Variants in ABCB1 observed in about 807,000 individuals in gnomAD.
ABCB1 encodes ATP-dependent translocase ABCB1.
A neutral mutation model predicts 142.0 loss-of-function variants in ABCB1; 69 were observed. The observed-to-expected ratio is 0.49, with a 90% CI of 0.40 to 0.59. The LOEUF is 0.59. Among genes scored for constraint, ABCB1 ranks in the 20% least tolerant of loss-of-function variants. The pLI, the probability that ABCB1 is intolerant of heterozygous loss-of-function variation, is 0.00. For missense variants in ABCB1, 1,326 were observed against 1,554.7 expected (o/e 0.85, Z 2.47); for synonymous variants, 532 against 539.2 (o/e 0.99, Z 0.18).
At chr7:87,568,204 A>T (rs1388191552) in intron 5 of ABCB1, among the ~76,000 whole-genome samples, 3 of 136,498 alleles carry the variant, frequency 2.2e-5, no homozygotes, top group South Asian at 2.6e-4. Flanking sequence ...GACCAGCCTG[A>T]CCAAAGTGGT....
At chr7:87,530,901 A>G (rs552071859) in intron 21 of ABCB1, among the ~76,000 whole-genome samples, 1 of 151,104 alleles carries the variant, frequency 6.6e-6, no homozygotes, top group African/African-American at 2.4e-5. Context: ...AAGAAGGAAG[A>G]AGGGAAGGAA....
At chr7:87,604,594 A>G (rs1819579680), upstream of ABCB1, among the ~76,000 whole-genome samples, 1 of 152,142 alleles carries the variant, frequency 6.6e-6, no homozygotes, top group Non-Finnish European at 1.5e-5. Context: ...ATGTTGGATT[A>G]CATCAGATTG....
chr7:87,637,043 T>G lies in ABCB1; in HGVS notation c.-330-35965A>C, dbSNP rs1182196811. ...TAAAACCATCAGCTCTCGTGAGCTCTTACTCACTATCATGAGACTAGCATG... is the reference window on the plus strand; with the variant it reads ...TAAAACCATCAGCTCTCGTGAGCTCGTACTCACTATCATGAGACTAGCATG... On this transcript the variant is annotated intron_variant, in intron 1 of 28. Coordinates refer to the ABCB1 transcript ENST00000265724. Among the ~76,000 whole-genome samples, 3 of 152,140 alleles carry G rather than the reference T, an allele frequency of 2.0e-5. No homozygotes were observed. The South Asian group carries it at 6.2e-4, about 31-fold the overall frequency.
rs1228046963 is a variant in ABCB1 at position 87,623,002 on chromosome 7, C to T, written c.-330-21924G>A. Among the ~76,000 whole-genome samples, 5 of 152,152 alleles carry T rather than the reference C, an allele frequency of 3.3e-5. No individual in the cohort carries two copies. In the East Asian group the frequency reaches 9.6e-4, roughly 29 times the overall value. Reference sequence around the variant, plus strand: ...AAGGCCGAGGTAAGCCATGATTACCCACTGTACTCCATCTTGGGCCACAGA... The same window carrying T: ...AAGGCCGAGGTAAGCCATGATTACCTACTGTACTCCATCTTGGGCCACAGA... On this transcript the variant is annotated intron_variant, in intron 1 of 28. Coordinates refer to the ABCB1 transcript ENST00000265724.
chr7:87,679,277 T>C (rs1474926917), intron 1 of ABCB1, among the ~76,000 whole-genome samples: 1 of 149,236 alleles, frequency 6.7e-6, no homozygotes, highest in Admixed American at 6.7e-5. Flanking sequence ...GTATTTTTAG[T>C]AGAGACGGAG....
At chr7:87,703,747 A>G (rs1466047179) in intron 1 of ABCB1, among the ~76,000 whole-genome samples, 1 of 151,788 alleles carries the variant, frequency 6.6e-6, no homozygotes, top group African/African-American at 2.4e-5. Context: ...TGTCCCAACT[A>G]TTGTCCTTTG....
chr7:87,504,899 G>T (rs1584825099), intron 27 of ABCB1, among the ~76,000 whole-genome samples: 1 of 151,928 alleles, frequency 6.6e-6, no homozygotes, highest in South Asian at 2.1e-4. Flanking sequence ...GAAAACAAAG[G>T]ATTTGTCATA....
intron 1 of ABCB1, among the ~76,000 whole-genome samples, chr7:87,673,603 T>G (rs1202262843): frequency 6.6e-6 from 1 of 152,234 alleles, no homozygotes; most frequent in Non-Finnish European, 1.5e-5. Flanking sequence ...ATATTTCGGC[T>G]TCTGTATCCG....
At chr7:87,521,872 A>T in intron 21 of ABCB1, 1 of 773,296 alleles carries the variant, frequency 1.3e-6, no homozygotes, top group Non-Finnish European at 2.3e-6. Context: ...TGAAATCATG[A>T]CTGACCAAGG....
At position 87,536,546 on chromosome 7, in the gene ABCB1, G is replaced by A. The variant is rs763717036; in HGVS notation, c.2398-5C>T. On this transcript the variant is annotated splice_polypyrimidine_tract_variant and splice_region_variant and intron_variant, in intron 19 of 27. Coordinates refer to ENST00000622132, the MANE Select transcript of ABCB1 (RefSeq NM_001348946.2). Reference sequence around the variant, plus strand: ...GTCATCAAACCAACTCACATCCTGTGGCACAGAAAATGATTTTATTACCTT... The same window carrying A: ...GTCATCAAACCAACTCACATCCTGTAGCACAGAAAATGATTTTATTACCTT... The A allele has an allele frequency of 6.2e-6, 10 of 1,613,670 alleles. No individual in the cohort carries two copies. The East Asian group carries it at 2.2e-4, about 36-fold the overall frequency.
chr7:87,629,091 C>A, intron 1 of ABCB1: 1 of 758,102 alleles, frequency 1.3e-6, no homozygotes, highest in Non-Finnish European at 1.8e-6. Flanking sequence ...TGTGAGCGCG[C>A]AGCTCCTTGG....
Position 87,619,764 on chromosome 7 carries a change from G to A in ABCB1, c.-330-18686C>T, listed in dbSNP as rs539494193. ...CAAACACATGTGTGTGTGTGTGTGT[G>A]TATATATATATATATATGAATAAAC... On this transcript the variant is annotated intron_variant, in intron 1 of 28. Coordinates refer to the ABCB1 transcript ENST00000265724. 2.8e-3 allele frequency among the ~76,000 whole-genome samples: 406 copies of A among 147,324 alleles called. 1 individual carries two copies. Among genetic ancestry groups the A allele is most frequent in the Non-Finnish European group, 4.3e-3 (287 of 66,930 alleles).
chr7:87,515,541 G>A (rs138937599), intron 24 of ABCB1, 113 bp from the exon 25 acceptor site: 44 of 861,826 alleles, frequency 5.1e-5, no homozygotes, highest in African/African-American at 4.8e-4. Context: ...TGTTACAATT[G>A]GCTTCACTTC....
chr7:87,587,874 CA>C (rs35238388), intron 3 of ABCB1, among the ~76,000 whole-genome samples: 36,118 of 81,212 alleles, frequency 0.44, 4,368 homozygotes, highest in East Asian at 0.58. Flanking sequence ...GACTCTGTCT[CA>C]AAAAAAAAAA....
At chr7:87,710,469 T>C in intron 1 of ABCB1, 1 of 668,692 alleles carries the variant, frequency 1.5e-6, no homozygotes, top group East Asian at 2.9e-5. Flanking sequence ...AAATGTATAT[T>C]TTGAATGGCT....
chr7:87,651,714 G>A (rs1457203027), intron 1 of ABCB1, among the ~76,000 whole-genome samples: 2 of 152,020 alleles, frequency 1.3e-5, no homozygotes, highest in African/African-American at 4.8e-5. Flanking sequence ...AGCATCTCAG[G>A]CGTACTGTGA....
chr7:87,710,126 G>A (rs1044430663), intron 1 of ABCB1, among the ~76,000 whole-genome samples: 1 of 152,010 alleles, frequency 6.6e-6, no homozygotes, highest in African/African-American at 2.4e-5. Context: ...TGAAAGGATA[G>A]GATTGAAAAT....
chr7:87,630,225 A>C (rs1048515333), intron 1 of ABCB1, among the ~76,000 whole-genome samples: 2 of 152,180 alleles, frequency 1.3e-5, no homozygotes, highest in Non-Finnish European at 2.9e-5. Flanking sequence ...TGTGTCTAGC[A>C]TCTTAAGTGG....
chr7:87,565,610 C>G (rs1817752596), intron 7 of ABCB1: 2 of 339,698 alleles, frequency 5.9e-6, no homozygotes, highest in African/African-American at 4.4e-5. Context: ...AAAACTTAAA[C>G]AAAAATCTAG....
Sources: gnomAD v4.1 joint callset for allele counts (sites outside exome capture counted in the v4.1 genomes callset) on GRCh38, gnomAD v4.1.1 for gene constraint, MANE v1.5 for transcripts, NCBI Gene and HGNC (gene_info 2026-07-23, HGNC 2026-07-21) for gene names.